OPCML: variants seen among roughly 807,000 people sequenced by gnomAD.
OPCML encodes the protein opioid-binding protein/cell adhesion molecule.
In OPCML, 13 loss-of-function variants were observed where a neutral mutation model predicts 37.8. The observed-to-expected ratio is 0.34, with a 90% CI of 0.22 to 0.55. The LOEUF is 0.55. OPCML is among the 20% of genes least tolerant of loss of function. OPCML has a pLI of 0.91. For synonymous variants in OPCML, 176 were observed against 168.8 expected, an observed-to-expected ratio of 1.04 and a Z score of -0.33; for missense variants, 341 against 435.6, an observed-to-expected ratio of 0.78 and a Z score of 1.93.
At chr11:133,286,161 A>G (rs953482817) in intron 1 of OPCML, among the ~76,000 whole-genome samples, 1 of 152,076 alleles carries the variant, frequency 6.6e-6, no homozygotes, top group Non-Finnish European at 1.5e-5. Context: ...GTGGAAAAGT[A>G]TTCACCTTGC....
At chr11:133,458,574 C>T (rs1224807609) in intron 1 of OPCML, among the ~76,000 whole-genome samples, 5 of 85,792 alleles carry the variant, frequency 5.8e-5, no homozygotes, top group Non-Finnish European at 9.9e-5. Context: ...CATATATACA[C>T]GTGTGTGTAC....
intron 3 of OPCML, among the ~76,000 whole-genome samples, chr11:132,550,314 A>T (rs1829575918): frequency 6.6e-6 from 1 of 152,172 alleles, no homozygotes; most frequent in Non-Finnish European, 1.5e-5. Flanking sequence ...TGACTGGATC[A>T]TGGGGGTGGA....
At chr11:133,258,101 A>G (rs534303004) in intron 1 of OPCML, among the ~76,000 whole-genome samples, 46 of 152,128 alleles carry the variant, frequency 3.0e-4, no homozygotes, top group African/African-American at 6.5e-4. Flanking sequence ...AACCACAAAT[A>G]GTGACATGTC....
Position 132,437,214 on chromosome 11 carries a change from C to G in OPCML, c.643+8G>C. 3 of 1,611,542 alleles carry G rather than the reference C, an allele frequency of 1.9e-6. No homozygotes were observed. The highest frequency in any genetic ancestry group is 2.5e-6 in the Non-Finnish European group (3 of 1,177,828). ...TCCCCAGAACCCCCTGGCTGCAGGT[C>G]CACTCACAGTTTACAGTGATTTTTA... On this transcript the variant is annotated splice_region_variant and intron_variant, in intron 5 of 7. Transcript: ENST00000524381.
chr11:132,499,866 T>C (rs2096241901), intron 4 of OPCML, among the ~76,000 whole-genome samples: 1 of 152,190 alleles, frequency 6.6e-6, no homozygotes, highest in Non-Finnish European at 1.5e-5. Context: ...GGAACACTAC[T>C]CAAATCTAAG....
At chr11:133,484,080 A>AGATTGATT (rs1555165752) in intron 1 of OPCML, among the ~76,000 whole-genome samples, 36 of 128,204 alleles carry the variant, frequency 2.8e-4, no homozygotes, top group African/African-American at 1.2e-3. Context: ...ATAGATAGAT[A>AGATTGATT]GATTCATAGA....
chr11:132,646,740 C>T (rs566048260), intron 3 of OPCML, among the ~76,000 whole-genome samples: 17 of 151,992 alleles, frequency 1.1e-4, no homozygotes, highest in African/African-American at 3.6e-4. Flanking sequence ...ATGCGAATTA[C>T]GAGAAGAGGA....
intron 1 of OPCML, among the ~76,000 whole-genome samples, chr11:133,508,266 G>A (rs954721169): frequency 2.6e-5 from 4 of 152,078 alleles, no homozygotes; most frequent in Admixed American, 2.6e-4. Flanking sequence ...GCTGGGTTTG[G>A]GTACAAATCA....
At chr11:132,822,050 T>C (rs1449217488) in intron 2 of OPCML, among the ~76,000 whole-genome samples, 1 of 152,152 alleles carries the variant, frequency 6.6e-6, no homozygotes. Flanking sequence ...AGGAGTCTTG[T>C]CTCTTACTTG....
intron 2 of OPCML, among the ~76,000 whole-genome samples, chr11:132,811,574 A>AT (rs1218534416): frequency 2.6e-5 from 4 of 151,934 alleles, no homozygotes; most frequent in African/African-American, 9.7e-5. Context: ...GGTTTTGTGT[A>AT]TTTTTTCTTA....
chr11:133,320,741 T>C lies in OPCML; in HGVS notation c.61+211523A>G, dbSNP rs73031343. On this transcript the variant is annotated intron_variant, in intron 1 of 7. Coordinates refer to ENST00000524381, the MANE Select transcript of OPCML (RefSeq NM_001012393.5). ...TTTGCCAATGTATAAATAAACAGTA[T>C]GGGTCACCCCACAATTTAGAATTGG... Among the ~76,000 whole-genome samples, 1,034 of 152,344 alleles carry C rather than the reference T, an allele frequency of 6.8e-3. 6 individuals are homozygous for C. Among genetic ancestry groups the C allele is most frequent in the Middle Eastern group, 0.017 (5 of 294 alleles).
chr11:132,577,589 C>T (rs552372074), intron 3 of OPCML, among the ~76,000 whole-genome samples: 12 of 152,210 alleles, frequency 7.9e-5, no homozygotes, highest in African/African-American at 2.9e-4. Context: ...CACAAATACT[C>T]AGAATGGTAA....
intron 1 of OPCML, among the ~76,000 whole-genome samples, chr11:133,413,885 G>A (rs927678816): frequency 5.9e-5 from 9 of 152,258 alleles, no homozygotes; most frequent in African/African-American, 2.2e-4. Flanking sequence ...GAGAGAAGGC[G>A]GAGAGCCCTG....
intron 1 of OPCML, among the ~76,000 whole-genome samples, chr11:133,097,793 T>G (rs749359071): frequency 2.0e-5 from 3 of 152,164 alleles, no homozygotes; most frequent in African/African-American, 7.2e-5. Flanking sequence ...TTGAAAGATA[T>G]GTCTGCCAAA....
chr11:133,385,831 C>T (rs1565606709), intron 1 of OPCML, among the ~76,000 whole-genome samples: 1 of 152,136 alleles, frequency 6.6e-6, no homozygotes, highest in Non-Finnish European at 1.5e-5. Context: ...ACTCAGGCTT[C>T]TAGAGAGGAT....
At chr11:133,317,767 T>G (rs1943239916) in intron 1 of OPCML, among the ~76,000 whole-genome samples, 1 of 152,210 alleles carries the variant, frequency 6.6e-6, no homozygotes, top group Non-Finnish European at 1.5e-5. Flanking sequence ...TCTAGCTTAT[T>G]AGCAGAACCT....
At chr11:132,464,168 C>T (rs1268686320) in intron 4 of OPCML, among the ~76,000 whole-genome samples, 2 of 152,248 alleles carry the variant, frequency 1.3e-5, no homozygotes, top group African/African-American at 4.8e-5. Flanking sequence ...TCTGCAGCTG[C>T]TGCACTCCCT....
chr11:132,595,246 A>G (rs1041812547), intron 3 of OPCML, among the ~76,000 whole-genome samples: 1 of 152,146 alleles, frequency 6.6e-6, no homozygotes, highest in African/African-American at 2.4e-5. Flanking sequence ...AACATGATCC[A>G]GGGAGAGGAG....
rs2136677663 is a variant in OPCML, at chr11:132,943,364, G to A, written c.62-354C>T. ...ACGCTCCCCTGGGGAGGAGGGAGGC[G>A]GCCAGGAGGGGAGAGGAAGAAGCAA... On this transcript the variant is annotated intron_variant, in intron 1 of 7. Transcript: ENST00000524381. This position sits in a 1 kb window ranked among gnomAD's most constrained non-coding sequence, Gnocchi z 4.3. 1.9e-6 allele frequency: 1 copy of A among 514,506 alleles called. No homozygotes were observed. The highest frequency in any genetic ancestry group is 3.5e-6 in the Non-Finnish European group (1 of 287,350). 31.9% of individuals were successfully genotyped at this position (514,506 alleles called of 1,614,324 possible). A position where few individuals can be genotyped will look rare whatever the true frequency, so the allele number is the denominator to read the frequency against.
Sources: gnomAD v4.1 joint callset for allele counts (sites outside exome capture counted in the v4.1 genomes callset) on GRCh38, gnomAD v4.1.1 for gene constraint, Gnocchi (gnomAD v3.1) non-coding constraint, MANE v1.5 for transcripts, NCBI Gene and HGNC (gene_info 2026-07-23, HGNC 2026-07-21) for gene names.